RAB38: variants seen among roughly 807,000 people sequenced by gnomAD.
RAB38 encodes ras-related protein Rab-38.
In RAB38, 15 loss-of-function variants were observed where a neutral mutation model predicts 18.4. The observed-to-expected ratio is 0.82, with a 90% confidence interval of 0.55 to 1.26. The LOEUF is 1.26. Among genes scored for constraint, RAB38 ranks in the 50% most tolerant of loss-of-function variants. RAB38 has a pLI of 0.00. For synonymous variants in RAB38, 101 were observed against 104.4 expected (o/e 0.97, Z 0.20); for missense variants, 294 against 267.4 (o/e 1.10, Z -0.69).
At chr11:87,965,651 C>T in the RAB38 span, among the ~76,000 whole-genome samples, 1 of 152,124 alleles carries the variant, frequency 6.6e-6, no homozygotes, top group African/African-American at 2.4e-5. Flanking sequence ...ACAGTTGGGA[C>T]ATAGATGGTG....
chr11:88,008,407 G>T, the RAB38 span, among the ~76,000 whole-genome samples: 1 of 152,088 alleles, frequency 6.6e-6, no homozygotes, highest in Admixed American at 6.6e-5. Context: ...AAGAGCATTA[G>T]AACAGTGGTT....
the RAB38 span, among the ~76,000 whole-genome samples, chr11:88,017,760 A>G: frequency 6.7e-6 from 1 of 149,076 alleles, no homozygotes; most frequent in Non-Finnish European, 1.5e-5. Context: ...ATAAAGAGGA[A>G]GGTCACCGCA....
At chr11:87,896,322 A>G in the RAB38 span, among the ~76,000 whole-genome samples, 1 of 151,808 alleles carries the variant, frequency 6.6e-6, no homozygotes, top group East Asian at 2.0e-4. Flanking sequence ...CACATTCTAG[A>G]CAACAAGATG....
At chr11:88,069,840 G>GT in the RAB38 span, among the ~76,000 whole-genome samples, 1 of 55,160 alleles carries the variant, frequency 1.8e-5, no homozygotes, top group Non-Finnish European at 3.4e-5. Context: ...TTAATCTAGT[G>GT]GGTTACTTGG....
At chr11:87,966,598 A>T in the RAB38 span, among the ~76,000 whole-genome samples, 1 of 152,170 alleles carries the variant, frequency 6.6e-6, no homozygotes, top group East Asian at 1.9e-4. Context: ...TAAATCAATA[A>T]TGCTAAAATT....
the RAB38 span, among the ~76,000 whole-genome samples, chr11:87,887,331 C>T: frequency 4.6e-5 from 7 of 152,006 alleles, no homozygotes; most frequent in Non-Finnish European, 1.0e-4. Flanking sequence ...GCATCCTTGC[C>T]CTCTTCTTCC....
At chr11:87,870,865 A>G in the RAB38 span, among the ~76,000 whole-genome samples, 1 of 151,680 alleles carries the variant, frequency 6.6e-6, no homozygotes, top group Admixed American at 6.6e-5. Flanking sequence ...CATTATGTTC[A>G]GACCAAATGA....
At chr11:88,158,705 T>TA (rs1361748174) in intron 1 of RAB38, among the ~76,000 whole-genome samples, 1 of 152,074 alleles carries the variant, frequency 6.6e-6, no homozygotes, top group Non-Finnish European at 1.5e-5. Context: ...AAGCTTTTGA[T>TA]AAAATCCAAC....
chr11:87,850,353 A>C, the RAB38 span, among the ~76,000 whole-genome samples: 1 of 152,100 alleles, frequency 6.6e-6, no homozygotes, highest in African/African-American at 2.4e-5. Flanking sequence ...TAGAGGTTAC[A>C]ATTTGAAAAC....
downstream of RAB38, among the ~76,000 whole-genome samples, chr11:88,111,121 A>G (rs1332741714): frequency 4.6e-5 from 7 of 152,198 alleles, no homozygotes; most frequent in Non-Finnish European, 8.8e-5. Flanking sequence ...CCTTCCCTTG[A>G]CCAAACTGCT....
At chr11:87,915,231 C>T in the RAB38 span, among the ~76,000 whole-genome samples, 3 of 152,218 alleles carry the variant, frequency 2.0e-5, no homozygotes, top group Middle Eastern at 3.4e-3. Flanking sequence ...AGAGTGACTC[C>T]ATCTTAAATA....
chr11:87,937,353 ATAAT>A, the RAB38 span, among the ~76,000 whole-genome samples: 1 of 63,634 alleles, frequency 1.6e-5, no homozygotes, highest in Admixed American at 1.9e-4. Flanking sequence ...TATATATATC[ATAAT>A]TCTATTTGCT....
At chr11:88,045,547 C>T in the RAB38 span, among the ~76,000 whole-genome samples, 1 of 152,202 alleles carries the variant, frequency 6.6e-6, no homozygotes, top group Non-Finnish European at 1.5e-5. Context: ...CTGTGCAGGA[C>T]CCCACTGGAA....
chr11:87,928,478 A>G, the RAB38 span, among the ~76,000 whole-genome samples: 4 of 152,096 alleles, frequency 2.6e-5, no homozygotes, highest in African/African-American at 4.8e-5. Flanking sequence ...ACTATTAAAG[A>G]TATCTTAAAA....
chr11:88,101,956 T>C, the RAB38 span, among the ~76,000 whole-genome samples: 1 of 151,944 alleles, frequency 6.6e-6, no homozygotes, highest in Non-Finnish European at 1.5e-5. Context: ...AAAGAGGAAT[T>C]GGAATGGTTA....
chr11:87,824,992 G>C, the RAB38 span, among the ~76,000 whole-genome samples: 2 of 151,910 alleles, frequency 1.3e-5, no homozygotes, highest in African/African-American at 4.8e-5. Context: ...GAGAGAGAGA[G>C]AGTGAGTGTG....
chr11:88,141,252 C>A (rs1942908779), intron 2 of RAB38, among the ~76,000 whole-genome samples: 1 of 152,036 alleles, frequency 6.6e-6, no homozygotes, highest in Admixed American at 6.5e-5. Context: ...AGTGATTTTG[C>A]CCCTGCAACC....
the RAB38 span, among the ~76,000 whole-genome samples, chr11:87,871,857 A>G: frequency 2.0e-5 from 3 of 151,550 alleles, no homozygotes; most frequent in Non-Finnish European, 4.4e-5. Flanking sequence ...ACCTATTTTC[A>G]TTACATTCCA....
chr11:88,023,499 T>A, the RAB38 span, among the ~76,000 whole-genome samples: 1 of 152,054 alleles, frequency 6.6e-6, no homozygotes, highest in East Asian at 1.9e-4. Context: ...ATTCAATTAA[T>A]TCCCTATCAA....
Sources: gnomAD v4.1 joint callset for allele counts (sites outside exome capture counted in the v4.1 genomes callset) on GRCh38, gnomAD v4.1.1 for gene constraint, MANE v1.5 for transcripts, NCBI Gene and HGNC (gene_info 2026-07-23, HGNC 2026-07-21) for gene names.